SCUBE1: variants seen among roughly 807,000 people sequenced by gnomAD.
The protein encoded by SCUBE1 is signal peptide, CUB domain and EGF like domain containing 1, also known as signal peptide, CUB and EGF-like domain-containing protein 1.
A neutral mutation model predicts 124.4 loss-of-function variants in SCUBE1; 59 were observed. That is an observed-to-expected ratio of 0.47 (90% confidence interval 0.38 to 0.59). The LOEUF is 0.59. Among genes scored for constraint, SCUBE1 ranks in the 20% least tolerant of loss-of-function variants. The pLI is 0.00. For synonymous variants in SCUBE1, 545 were observed against 550.9 expected (o/e 0.99, Z 0.15); for missense variants, 1,150 against 1,371.2 (o/e 0.84, Z 2.55).
Position 43,211,249 on chromosome 22 carries a change from T to C in SCUBE1, c.2222-166A>G, listed in dbSNP as rs1921539672. On this transcript the variant is annotated intron_variant, in intron 17 of 21. Coordinates refer to ENST00000360835, the MANE Select transcript of SCUBE1 (RefSeq NM_173050.5). The surrounding 1 kb of genome is among the most constrained non-coding windows in gnomAD (Gnocchi z 4.5). The stretch of plus-strand genomic sequence containing the variant: ...ACCTCCCACCACCCTCACTCCGCCA[T>C]GGCCAGGAAGAGCCCTTGGCGTGGG... Among the ~76,000 whole-genome samples, 1 of 152,166 alleles carries C rather than the reference T, an allele frequency of 6.6e-6. No homozygotes were observed. The highest frequency in any genetic ancestry group is 2.4e-5 in the African/African-American group (1 of 41,450).
intron 16 of SCUBE1, 43 bp downstream of exon 16, chr22:43,214,047 G>GGCCCCCCCCCCCCCCCCC: frequency 2.1e-5 from 3 of 143,438 alleles, no homozygotes; most frequent in Non-Finnish European, 2.6e-5. Context: ...AGGAGCCCCC[G>GGCCCCCCCCCCCCCCCCC]CCCACCCCCC....
intron 4 of SCUBE1, among the ~76,000 whole-genome samples, chr22:43,284,147 A>T (rs966139938): frequency 6.6e-6 from 1 of 152,268 alleles, no homozygotes; most frequent in Admixed American, 6.5e-5. Context: ...ACAGTTAATA[A>T]GAGCAGTGTC....
intron 3 of SCUBE1, among the ~76,000 whole-genome samples, chr22:43,298,526 A>T (rs1925647757): frequency 6.6e-6 from 1 of 152,212 alleles, no homozygotes. Flanking sequence ...GAGGTGGTGA[A>T]GCCTGCTGGC....
rs751516631 is a variant in SCUBE1, at chr22:43,229,168, C to T, written c.988G>A (p.Glu330Lys). The T allele has an allele frequency of 1.1e-5, 17 of 1,613,476 alleles. No individual in the cohort carries two copies. The highest frequency in any genetic ancestry group is 6.7e-5 in the East Asian group (3 of 44,868). The change falls in exon 9 of 22, where the codon GAG (glutamate) becomes AAG (lysine). Residue 330 changes from glutamate (E) to lysine (K), a missense_variant. Glu to Lys is a moderately conservative substitution (Grantham distance 56). Coordinates refer to ENST00000360835, the MANE Select transcript of SCUBE1 (RefSeq NM_173050.5). ...TCQDIDECSF[E>K]RTCDHICINS... ...ATGCAGATGTGGTCACAGGTCCGCT[C>T]GAAGGAGCACTCGTCGATGTCTGCG...
In SCUBE1 at chr22:43,238,841, T is replaced by G. The variant is rs1482117715; in HGVS notation, c.841A>C (p.Lys281Gln). The G allele has an allele frequency of 6.2e-7, 1 of 1,611,338 alleles. No individual in the cohort carries two copies. Residue 281 changes from lysine to glutamine, a missense_variant, in exon 7 of 22, where the codon AAA becomes CAA. Around this residue, in one of 3 missense-constraint regions of SCUBE1, gnomAD observed 337 missense variants for 482.1 expected, o/e 0.70. Coordinates refer to ENST00000360835, the MANE Select transcript of SCUBE1 (RefSeq NM_173050.5). The stretch of plus-strand genomic sequence containing the variant: ...CCACACAGCTCCACATGCTGACCTT[T>G]GCATGTCTTCCCGTCCGGCTGCAGT... ...FTLQPDGKTCKDINECLVNNG... is the reference protein window; with the variant it reads ...FTLQPDGKTCQDINECLVNNG...
intron 12 of SCUBE1, 93 bp downstream of exon 12, chr22:43,222,545 C>T (rs1263955440): frequency 7.0e-6 from 7 of 993,704 alleles, no homozygotes; most frequent in Non-Finnish European, 7.5e-6. Flanking sequence ...GAAGGTCTTC[C>T]CTGGGCGGTG....
At chr22:43,209,539 C>T (rs7287508) in intron 19 of SCUBE1, among the ~76,000 whole-genome samples, 5,984 of 152,294 alleles carry the variant, frequency 0.039, 147 homozygotes, top group South Asian at 0.058. Context: ...GGAGCCCTGA[C>T]GGGGGCGGAT....
intron 4 of SCUBE1, among the ~76,000 whole-genome samples, chr22:43,268,939 T>C (rs1389647474): frequency 6.6e-6 from 1 of 152,186 alleles, no homozygotes; most frequent in Middle Eastern, 3.2e-3. Context: ...CAAAGCCTGG[T>C]AGAACGGCAG....
At position 43,207,600 on chromosome 22, in the gene SCUBE1, T is replaced by C; in HGVS notation, c.2748A>G (p.Gln916=). ...CATCGCGCACGATGTCCTCTATGAGTTGCTGGTAGTCCTCTGGGCAGCGGG... is the reference window on the plus strand; with the variant it reads ...CATCGCGCACGATGTCCTCTATGAGCTGCTGGTAGTCCTCTGGGCAGCGGG... ...PYVTYDEDYQ[Q]LIEDIVRDGR... Residue 916 remains glutamine (Q), a synonymous_variant, in exon 21 of 22, where the codon CAA becomes CAG. Transcript: ENST00000360835. 6.2e-7 allele frequency: 1 copy of C among 1,613,974 alleles called. No homozygotes were observed. The highest frequency in any genetic ancestry group is 8.5e-7 in the Non-Finnish European group (1 of 1,179,918).
At chr22:43,250,740 G>A (rs565901846) in intron 6 of SCUBE1, among the ~76,000 whole-genome samples, 1 of 152,182 alleles carries the variant, frequency 6.6e-6, no homozygotes, top group African/African-American at 2.4e-5. Flanking sequence ...GCTGAGGGCC[G>A]ACTCAGATTG....
chr22:43,272,136 G>A lies in SCUBE1; in HGVS notation c.485-9291C>T, dbSNP rs190415721. ...TCAAGGGAACTCTGCTCCTCTCGTC[G>A]TCCTTCTCACTGCCCCCTCTGCTTT... On this transcript the variant is annotated intron_variant, in intron 4 of 21. Transcript: ENST00000360835. 1.6e-4 allele frequency among the ~76,000 whole-genome samples: 24 copies of A among 152,236 alleles called. 1 individual carries two copies. In the South Asian group the frequency reaches 5.0e-3, roughly 32 times the overall value.
intron 2 of SCUBE1, among the ~76,000 whole-genome samples, chr22:43,332,285 T>C (rs1408289974): frequency 1.3e-5 from 2 of 152,026 alleles, no homozygotes; most frequent in African/African-American, 4.8e-5. Context: ...AGACTTCATC[T>C]CAAAAACAAA....
intron 2 of SCUBE1, among the ~76,000 whole-genome samples, chr22:43,322,330 T>C (rs1048842709): frequency 1.8e-4 from 27 of 152,188 alleles, no homozygotes; most frequent in African/African-American, 6.3e-4. Context: ...AGTCTCTGTT[T>C]GCAGCCCTGA....
chr22:43,253,439 G>A (rs1371743600), intron 6 of SCUBE1, among the ~76,000 whole-genome samples: 1 of 152,170 alleles, frequency 6.6e-6, no homozygotes, highest in South Asian at 2.1e-4. Context: ...AACCAGAGGA[G>A]GAGAAGTCTC....
chr22:43,252,071 C>A (rs1029854025), intron 6 of SCUBE1, among the ~76,000 whole-genome samples: 1 of 152,228 alleles, frequency 6.6e-6, no homozygotes, highest in African/African-American at 2.4e-5. Context: ...TAATGGGAGT[C>A]TACAATTGGT....
chr22:43,308,114 T>C (rs1186287514), intron 3 of SCUBE1, among the ~76,000 whole-genome samples: 2 of 152,226 alleles, frequency 1.3e-5, no homozygotes, highest in South Asian at 2.1e-4. Context: ...GGGTCTCCCC[T>C]TTTTTGTAGC....
At chr22:43,322,107 C>A (rs763351509) in intron 2 of SCUBE1, among the ~76,000 whole-genome samples, 10 of 152,142 alleles carry the variant, frequency 6.6e-5, no homozygotes, top group African/African-American at 1.2e-4. Context: ...GCCTCAGCCT[C>A]CCAAGTAGCT....
At chr22:43,215,597 G>T (rs900765179) in intron 15 of SCUBE1, among the ~76,000 whole-genome samples, 2 of 152,242 alleles carry the variant, frequency 1.3e-5, no homozygotes, top group South Asian at 4.1e-4. Context: ...GGGCACCCAG[G>T]ATTAGGCCTC....
chr22:43,306,367 G>A (rs1925970102), intron 3 of SCUBE1, among the ~76,000 whole-genome samples: 1 of 152,202 alleles, frequency 6.6e-6, no homozygotes, highest in Non-Finnish European at 1.5e-5. Flanking sequence ...AACAGGAACA[G>A]AGGAAGGCAA....
Sources: gnomAD v4.1 joint callset for allele counts (sites outside exome capture counted in the v4.1 genomes callset) on GRCh38, gnomAD v4.1.1 for gene constraint, gnomAD v4.1.1 regional missense constraint, Gnocchi (gnomAD v3.1) non-coding constraint, MANE v1.5 for transcripts, NCBI Gene and HGNC (gene_info 2026-07-23, HGNC 2026-07-21) for gene names.